TAFA5: variants seen among roughly 807,000 people sequenced by gnomAD.
The protein encoded by TAFA5 is chemokine-like protein TAFA-5.
A neutral mutation model predicts 15.3 loss-of-function variants in TAFA5; 6 were observed. The ratio of observed to expected loss-of-function variants is 0.39; its 90% CI spans 0.21 to 0.77. The LOEUF is 0.77. TAFA5 is among the 30% of genes least tolerant of loss of function. The probability of loss-of-function intolerance (pLI) is 0.41; values close to 1 mark genes in which losing one functional copy is unlikely to be tolerated. For synonymous variants in TAFA5, 103 were observed against 80.7 expected (o/e 1.28, Z -1.48); for missense variants, 161 against 193.1 (o/e 0.83, Z 0.98).
chr22:48,531,753 T>C (rs1190273980), intron 1 of TAFA5, among the ~76,000 whole-genome samples: 3 of 152,170 alleles, frequency 2.0e-5, no homozygotes, highest in African/African-American at 7.2e-5. Context: ...GGAGGTTGTC[T>C]GGGACTGCCC....
At chr22:48,709,739 C>T (rs891043691) in intron 3 of TAFA5, among the ~76,000 whole-genome samples, 2 of 152,200 alleles carry the variant, frequency 1.3e-5, no homozygotes, top group Non-Finnish European at 2.9e-5. Flanking sequence ...CTGCTCAGTT[C>T]ACCGGGGTGG....
chr22:48,542,846 ATG>A (rs576450848), intron 1 of TAFA5, among the ~76,000 whole-genome samples: 109 of 124,204 alleles, frequency 8.8e-4, no homozygotes, highest in African/African-American at 3.1e-3. Context: ...TGTGTGTGTG[ATG>A]TGTTTGTGTA....
chr22:48,523,684 T>C (rs746714107), intron 1 of TAFA5, among the ~76,000 whole-genome samples: 9 of 152,136 alleles, frequency 5.9e-5, no homozygotes, highest in Admixed American at 6.5e-5. Flanking sequence ...GAAGGAGGCA[T>C]CCCGGGGGCC....
chr22:48,587,382 C>G (rs1282712409), intron 1 of TAFA5, among the ~76,000 whole-genome samples: 1 of 152,178 alleles, frequency 6.6e-6, no homozygotes, highest in Non-Finnish European at 1.5e-5. Flanking sequence ...GTGTCCTCAG[C>G]CACACTGGGA....
intron 2 of TAFA5, among the ~76,000 whole-genome samples, chr22:48,693,015 ACAGAACTCAG>A (rs980703474): frequency 6.6e-6 from 1 of 152,208 alleles, no homozygotes; most frequent in South Asian, 2.1e-4. Context: ...CTCACTATTC[ACAGAACTCAG>A]CAGAACTCAG....
chr22:48,637,847 C>T (rs1926506500), intron 1 of TAFA5, among the ~76,000 whole-genome samples: 1 of 152,144 alleles, frequency 6.6e-6, no homozygotes, highest in African/African-American at 2.4e-5. Flanking sequence ...AGAAACTCTC[C>T]TTGAGGCCTT....
chr22:48,683,095 C>T (rs1388168504), intron 2 of TAFA5, among the ~76,000 whole-genome samples: 1 of 152,166 alleles, frequency 6.6e-6, no homozygotes, highest in African/African-American at 2.4e-5. Flanking sequence ...TTTAATTCTA[C>T]TTAAGTTATA....
intron 1 of TAFA5, among the ~76,000 whole-genome samples, chr22:48,502,085 C>T (rs1486042633): frequency 1.3e-5 from 2 of 152,222 alleles, no homozygotes; most frequent in South Asian, 2.1e-4. Flanking sequence ...TCTACCATGA[C>T]GGTTTTCACC....
chr22:48,672,361 T>C (rs938894107), intron 2 of TAFA5, among the ~76,000 whole-genome samples: 2 of 152,232 alleles, frequency 1.3e-5, no homozygotes, highest in African/African-American at 2.4e-5. Flanking sequence ...GAGAAAATTG[T>C]AGCCTAAAGA....
At chr22:48,509,423 C>T (rs1324880725) in intron 1 of TAFA5, among the ~76,000 whole-genome samples, 2 of 152,138 alleles carry the variant, frequency 1.3e-5, no homozygotes, top group African/African-American at 2.4e-5. Context: ...TTTACATTCC[C>T]ACCGATAGTG....
At chr22:48,621,501 G>T (rs907387262) in intron 1 of TAFA5, among the ~76,000 whole-genome samples, 3 of 152,040 alleles carry the variant, frequency 2.0e-5, no homozygotes, top group Non-Finnish European at 2.9e-5. Context: ...CTCTGGCCGG[G>T]GTAGGGGCTG....
Position 48,742,291 on chromosome 22 carries a change from C to T in TAFA5, c.391-7548C>T, listed in dbSNP as rs1397392639. On this transcript the variant is annotated intron_variant, in intron 3 of 3. Transcript: ENST00000402357. The surrounding 1 kb of genome is among the most constrained non-coding windows in gnomAD (Gnocchi z 6.2). The stretch of plus-strand genomic sequence containing the variant: ...AGGTGCACGGGGCCCCTGCCAGGTT[C>T]GGGAAAAGAACTGACCCCCACGAGG... Among the ~76,000 whole-genome samples the T allele has an allele frequency of 1.3e-5, 2 of 152,158 alleles. No individual in the cohort carries two copies. The highest frequency in any genetic ancestry group is 2.1e-4 in the South Asian group (1 of 4,828).
intron 1 of TAFA5, among the ~76,000 whole-genome samples, chr22:48,575,398 G>A (rs933087115): frequency 6.8e-6 from 1 of 147,782 alleles, no homozygotes; most frequent in Admixed American, 6.7e-5. Flanking sequence ...AGACGGCGGC[G>A]GGCGCGGGCC....
chr22:48,606,257 C>T lies in TAFA5; in HGVS notation c.113-40340C>T, dbSNP rs1190299262. Among the ~76,000 whole-genome samples, 78 of 152,184 alleles carry T rather than the reference C, an allele frequency of 5.1e-4. 1 individual carries two copies. The highest frequency in any genetic ancestry group is 7.4e-5 in the Non-Finnish European group (5 of 68,026). ...CACAAGGAGAGACAGAGTGAGAGCT[C>T]AAGGCATGCTCCCTCTCGAGAATCG... is the stretch of plus-strand genomic sequence containing the variant. On this transcript the variant is annotated intron_variant, in intron 1 of 3. Transcript: ENST00000402357.
chr22:48,563,327 C>T (rs911883056), intron 1 of TAFA5, among the ~76,000 whole-genome samples: 3 of 152,206 alleles, frequency 2.0e-5, no homozygotes, highest in African/African-American at 7.2e-5. Context: ...CCCCACACTC[C>T]TCTAGAGCTG....
At chr22:48,698,746 C>G (rs1928807184) in intron 2 of TAFA5, among the ~76,000 whole-genome samples, 1 of 33,298 alleles carries the variant, frequency 3.0e-5, no homozygotes, top group African/African-American at 2.2e-4. Flanking sequence ...GCCTCCTGGC[C>G]TCCCTTCCGC....
At chr22:48,572,641 G>A (rs1923629852) in intron 1 of TAFA5, among the ~76,000 whole-genome samples, 1 of 152,166 alleles carries the variant, frequency 6.6e-6, no homozygotes, top group South Asian at 2.1e-4. Context: ...TGGAAGTCTG[G>A]TGAAGCCTGT....
At chr22:48,704,200 G>GCA (rs61363637) in intron 2 of TAFA5, among the ~76,000 whole-genome samples, 3,318 of 150,152 alleles carry the variant, frequency 0.022, 48 homozygotes, top group African/African-American at 0.048. Context: ...ACACACACGC[G>GCA]CACACACACA....
chr22:48,690,817 T>C (rs57118313), intron 2 of TAFA5, among the ~76,000 whole-genome samples: 49,051 of 151,840 alleles, frequency 0.32, 8,099 homozygotes, highest in Non-Finnish European at 0.36. Context: ...TGGGCTGACC[T>C]ATGTCAGCCC....
Sources: allele counts gnomAD v4.1 joint callset (sites outside exome capture counted in the v4.1 genomes callset), GRCh38; gene constraint gnomAD v4.1.1; non-coding constraint Gnocchi (gnomAD v3.1); transcripts MANE v1.5; gene names NCBI Gene and HGNC (gene_info 2026-07-23, HGNC 2026-07-21).